CARD14: variants seen among roughly 807,000 people sequenced by gnomAD.
CARD14 encodes the protein caspase recruitment domain-containing protein 14.
CARD14 carries 107 observed loss-of-function variants against 111.5 expected under a neutral mutation model. That is an observed-to-expected ratio of 0.96 (90% CI 0.82 to 1.13). The LOEUF is 1.13. CARD14 is among the 50% of genes most tolerant of loss of function. The probability of loss-of-function intolerance (pLI) is 0.00; values close to 1 mark genes in which losing one functional copy is unlikely to be tolerated. For synonymous variants in CARD14, 617 were observed against 579.6 expected (o/e 1.06, Z -0.93); for missense variants, 1,322 against 1,362.3 (o/e 0.97, Z 0.47).
rs978261519 is a variant in CARD14 at position 80,195,461 on chromosome 17, C to T, written c.1500-97C>T. The T allele has an allele frequency of 4.6e-6, 7 of 1,508,242 alleles. No individual in the cohort carries two copies. Among genetic ancestry groups the T allele is most frequent in the Non-Finnish European group, 6.2e-6 (7 of 1,120,870 alleles). 93.4% of individuals were successfully genotyped at this position (1,508,242 alleles called of 1,614,324 possible). The stretch of plus-strand genomic sequence containing the variant: ...GGCAGCAGCTCCTGCCCTCGAAGCC[C>T]CAGAGCTGGCAGGTGCTGGGGGCCA... On this transcript the variant is annotated intron_variant, in intron 13 of 23. Coordinates refer to ENST00000648509, the MANE Select transcript of CARD14 (RefSeq NM_001366385.1). This position sits in a 1 kb window ranked among gnomAD's most constrained non-coding sequence, Gnocchi z 4.7.
Position 80,204,293 on chromosome 17 carries a change from C to T in CARD14, c.2350C>T (p.Leu784=), listed in dbSNP as rs775924088. Residue 784 remains leucine (L), a synonymous_variant, in exon 20 of 24, where the codon CTG becomes TTG. Transcript: ENST00000648509. ...TATGGACAAAGCCAAGGCCAGCCCT[C>T]TGCGTTTGTCCTTTGACAGGGGCCA... is the stretch of plus-strand genomic sequence containing the variant. The part of the protein sequence containing the change: ...VSMDKAKASP[L]RLSFDRGQLD... 28 of 1,599,386 alleles carry T rather than the reference C, an allele frequency of 1.8e-5. No individual in the cohort carries two copies. In the Admixed American group the frequency reaches 4.4e-4, roughly 25 times the overall value.
chr17:80,176,725 T>A (rs2040034767), intron 2 of CARD14, among the ~76,000 whole-genome samples: 1 of 152,130 alleles, frequency 6.6e-6, no homozygotes, highest in Non-Finnish European at 1.5e-5. Flanking sequence ...TGAATACGTT[T>A]TTAAAACAAA....
rs374933789 is a variant in CARD14 at position 80,189,855 on chromosome 17, G to A, written c.946G>A (p.Glu316Lys). The change falls in exon 9 of 24, where the codon GAG becomes AAG. Residue 316 changes from glutamate to lysine, a missense_variant. Physicochemically the swap from Glu to Lys is moderately conservative, Grantham distance 56. Coordinates refer to ENST00000648509, the MANE Select transcript of CARD14 (RefSeq NM_001366385.1). This position sits in a 1 kb window ranked among gnomAD's most constrained non-coding sequence, Gnocchi z 4.7. ...GCTGCGGGAGCGGGCCGTGGCTGCCGAGAGGCAGCGAGAGCAGGTGCCGTG... is the reference window on the plus strand; with the variant it reads ...GCTGCGGGAGCGGGCCGTGGCTGCCAAGAGGCAGCGAGAGCAGGTGCCGTG... ...HSLRERAVAA[E>K]RQREQYWEEK... 24 of 1,592,906 alleles carry A rather than the reference G, an allele frequency of 1.5e-5. No homozygotes were observed. The highest frequency in any genetic ancestry group is 4.7e-5 in the East Asian group (2 of 42,780).
Position 80,204,328 on chromosome 17 carries a change from C to T in CARD14, c.2385C>T (p.Pro795=). Residue 795 remains proline, a synonymous_variant, in exon 20 of 24, where the codon CCC becomes CCT. Transcript: ENST00000648509. ...CCTTTGACAGGGGCCAGTTGGACCC[C>T]AGCAGGATGGAGGGTGAGGCCTGGT... ...RLSFDRGQLD[P]SRMEGSSTCF... 1 of 1,578,666 alleles carries T rather than the reference C, an allele frequency of 6.3e-7. No individual in the cohort carries two copies. The highest frequency in any genetic ancestry group is 1.7e-5 in the Admixed American group (1 of 57,258).
At chr17:80,179,719 C>T (rs2040109998) in intron 4 of CARD14, among the ~76,000 whole-genome samples, 1 of 152,156 alleles carries the variant, frequency 6.6e-6, no homozygotes, top group African/African-American at 2.4e-5. Context: ...GCGGTCTCAG[C>T]TACTTGAGAG....
Position 80,203,916 on chromosome 17 carries a change from C to T in CARD14, c.2283+31C>T. The T allele has an allele frequency of 6.5e-7, 1 of 1,542,030 alleles. No homozygotes were observed. The highest frequency in any genetic ancestry group is 2.3e-5 in the East Asian group (1 of 43,152). On this transcript the variant is annotated intron_variant, in intron 19 of 23. Transcript: ENST00000648509. This position sits in a 1 kb window ranked among gnomAD's most constrained non-coding sequence, Gnocchi z 4.6. ...GCTCCAGGGAGGGGCCTGGACCCCA[C>T]TGGGGTGGGCTGGAAGAGGGGCTCG...
chr17:80,182,617 T>C lies in CARD14; in HGVS notation c.212-36T>C. On this transcript the variant is annotated intron_variant, in intron 5 of 23. Transcript: ENST00000648509. The surrounding 1 kb of genome is among the most constrained non-coding windows in gnomAD (Gnocchi z 4.7). The stretch of plus-strand genomic sequence containing the variant: ...CAGGGAGCCCAGCCCCCTTGGTAGC[T>C]GGGTTCTGCCCAGACAGACGGTTCT... 2 of 1,611,362 alleles carry C rather than the reference T, an allele frequency of 1.2e-6. No homozygotes were observed. Among genetic ancestry groups the C allele is most frequent in the Non-Finnish European group, 1.7e-6 (2 of 1,178,710 alleles).
intron 2 of CARD14, among the ~76,000 whole-genome samples, chr17:80,176,623 A>AG (rs1454235940): frequency 9.9e-5 from 15 of 152,170 alleles, no homozygotes; most frequent in African/African-American, 1.7e-4. Context: ...CCTGATAGAC[A>AG]GGGGGCCTGA....
intron 7 of CARD14, chr17:80,187,652 G>A: frequency 1.7e-6 from 1 of 597,792 alleles, no homozygotes; most frequent in Non-Finnish European, 2.1e-6. Flanking sequence ...CTTGGCCACA[G>A]CCCAGGGGTG....
intron 1 of CARD14, among the ~76,000 whole-genome samples, chr17:80,171,268 C>G (rs1463697766): frequency 1.4e-5 from 2 of 145,240 alleles, no homozygotes; most frequent in East Asian, 4.2e-4. Flanking sequence ...CCCTTCCTTC[C>G]TCTCTCTTTC....
At chr17:80,176,578 G>A (rs2040031673) in intron 2 of CARD14, among the ~76,000 whole-genome samples, 1 of 152,038 alleles carries the variant, frequency 6.6e-6, no homozygotes, top group African/African-American at 2.4e-5. Context: ...ATCTGTAAAG[G>A]AAACATCCCC....
At chr17:80,172,646 A>C in intron 1 of CARD14, among the ~76,000 whole-genome samples, 1 of 151,982 alleles carries the variant, frequency 6.6e-6, no homozygotes, top group African/African-American at 2.4e-5. Context: ...ATGCCCCCTA[A>C]ACCGAGTCTG....
At chr17:80,171,201 C>CCTTCCTTCCTTCCTT (rs2039894196) in intron 1 of CARD14, among the ~76,000 whole-genome samples, 1 of 75,078 alleles carries the variant, frequency 1.3e-5, no homozygotes, top group Non-Finnish European at 2.6e-5. Context: ...CTCCCTCCCT[C>CCTTCCTTCCTTCCTT]CCTCCCTTCC....
chr17:80,189,632 G>A lies in CARD14; in HGVS notation c.844-121G>A. ...CTTCTCTCCTGCCCGGTGTAGAGTG[G>A]CAAGACTGCATCCGTCCACACACCT... On this transcript the variant is annotated intron_variant, in intron 8 of 23. Transcript: ENST00000648509. This position sits in a 1 kb window ranked among gnomAD's most constrained non-coding sequence, Gnocchi z 4.7. The A allele has an allele frequency of 7.9e-7, 1 of 1,258,410 alleles. No individual in the cohort carries two copies. Among genetic ancestry groups the A allele is most frequent in the Non-Finnish European group, 1.0e-6 (1 of 954,226 alleles). 78.0% of individuals were successfully genotyped at this position (1,258,410 alleles called of 1,614,324 possible).
Position 80,189,648 on chromosome 17 carries a change from C to A in CARD14, c.844-105C>A. On this transcript the variant is annotated intron_variant, in intron 8 of 23. Coordinates refer to ENST00000648509, the MANE Select transcript of CARD14 (RefSeq NM_001366385.1). This position sits in a 1 kb window ranked among gnomAD's most constrained non-coding sequence, Gnocchi z 4.7. ...TGTAGAGTGGCAAGACTGCATCCGT[C>A]CACACACCTGACCGTGCAGTTGCCG... 6 of 1,340,454 alleles carry A rather than the reference C, an allele frequency of 4.5e-6. No homozygotes were observed. Among genetic ancestry groups the A allele is most frequent in the Non-Finnish European group, 5.9e-6 (6 of 1,022,366 alleles). The allele number at this position is 1,340,454 out of a possible 1,614,324, so 83.0% of individuals were successfully genotyped here.
At chr17:80,199,819 T>C (rs2144376132) in intron 16 of CARD14, among the ~76,000 whole-genome samples, 1 of 151,742 alleles carries the variant, frequency 6.6e-6, no homozygotes, top group South Asian at 2.1e-4. Flanking sequence ...GAGGTTGCAG[T>C]GAGCTGAGAT....
rs1424622360 is a variant in CARD14 at position 80,202,352 on chromosome 17, T to C, written c.2151T>C (p.His717=). ...DTMFQGCGCW[H]AHRVNSYTMK... is the part of the protein sequence containing the mutation. Reference sequence around the variant, plus strand: ...TGTTCCAGGGCTGCGGCTGCTGGCATGCCCACCGCGTGAACTCTTACACCA... The same window carrying C: ...TGTTCCAGGGCTGCGGCTGCTGGCACGCCCACCGCGTGAACTCTTACACCA... The change falls in exon 18 of 24, where the codon CAT becomes CAC. Residue 717 remains histidine, a synonymous_variant. Transcript: ENST00000648509. 1.2e-6 allele frequency: 2 copies of C among 1,613,458 alleles called. No homozygotes were observed. The highest frequency in any genetic ancestry group is 1.7e-6 in the Non-Finnish European group (2 of 1,180,018).
intron 18 of CARD14, 184 bp downstream of exon 18, chr17:80,202,604 T>G: frequency 7.0e-7 from 1 of 1,428,360 alleles, no homozygotes; most frequent in Non-Finnish European, 9.1e-7. Context: ...ATGCTTTATA[T>G]ATTGCAAATG....
At chr17:80,206,083 C>T (rs1567905577) in intron 22 of CARD14, 1 of 162,996 alleles carries the variant, frequency 6.1e-6, no homozygotes, top group Non-Finnish European at 1.3e-5. Flanking sequence ...TCACCTCATC[C>T]CCAGAGCTCA....
Sources: allele counts gnomAD v4.1 joint callset (sites outside exome capture counted in the v4.1 genomes callset), GRCh38; gene constraint gnomAD v4.1.1; non-coding constraint Gnocchi (gnomAD v3.1); transcripts MANE v1.5; gene names NCBI Gene and HGNC (gene_info 2026-07-23, HGNC 2026-07-21).